GRIN2A: variants seen among roughly 807,000 people sequenced by gnomAD.
GRIN2A encodes the protein glutamate ionotropic receptor NMDA type subunit 2A.
GRIN2A carries 22 observed loss-of-function variants against 113.4 expected under a neutral mutation model. The observed-to-expected ratio is 0.19, with a 90% CI of 0.14 to 0.28. The LOEUF (loss-of-function observed/expected upper bound fraction) is 0.28, where lower values mean the gene tolerates loss of function less well. GRIN2A is among the 10% of genes least tolerant of loss of function. The probability of loss-of-function intolerance (pLI) is 1.00; values close to 1 mark genes in which losing one functional copy is unlikely to be tolerated. For missense variants in GRIN2A, 1,502 were observed against 1,887.0 expected, an observed-to-expected ratio of 0.80 and a Z score of 3.78; for synonymous variants, 827 against 738.4, an observed-to-expected ratio of 1.12 and a Z score of -1.94.
chr16:9,867,481 G>A (rs754500498), intron 4 of GRIN2A, among the ~76,000 whole-genome samples: 2 of 152,074 alleles, frequency 1.3e-5, no homozygotes, highest in Non-Finnish European at 2.9e-5. Context: ...CCCTCTTTCA[G>A]TAATAAAGGA....
At chr16:9,881,458 G>C (rs144566119) in intron 4 of GRIN2A, among the ~76,000 whole-genome samples, 2 of 152,312 alleles carry the variant, frequency 1.3e-5, no homozygotes, top group Admixed American at 1.3e-4. Flanking sequence ...AGAATCACTA[G>C]GGAGGCTTAT....
At chr16:9,834,343 G>T in intron 7 of GRIN2A, 113 bp from the exon 8 acceptor site, 1 of 932,724 alleles carries the variant, frequency 1.1e-6, no homozygotes, top group Non-Finnish European at 1.8e-6. Flanking sequence ...TCTCTAATTT[G>T]AATCTGATCC....
chr16:9,822,839 T>C (rs1456346806), intron 9 of GRIN2A, among the ~76,000 whole-genome samples: 1 of 152,208 alleles, frequency 6.6e-6, no homozygotes, highest in Non-Finnish European at 1.5e-5. Context: ...ATCCACTTTA[T>C]GATGAAATTT....
intron 2 of GRIN2A, among the ~76,000 whole-genome samples, chr16:10,006,931 A>C (rs1272025211): frequency 1.3e-5 from 2 of 152,168 alleles, no homozygotes; most frequent in Non-Finnish European, 2.9e-5. Flanking sequence ...AGTGACCTTC[A>C]GTTTCATCCA....
intron 2 of GRIN2A, among the ~76,000 whole-genome samples, chr16:10,137,020 C>T (rs1042113206): frequency 1.3e-5 from 2 of 152,196 alleles, no homozygotes; most frequent in African/African-American, 4.8e-5. Context: ...AATATCTACT[C>T]TACATCACAG....
chr16:10,045,468 A>G (rs547763146), intron 2 of GRIN2A, among the ~76,000 whole-genome samples: 5 of 151,844 alleles, frequency 3.3e-5, no homozygotes, highest in African/African-American at 1.2e-4. Context: ...CCGAATCTGC[A>G]CTGCTCTGGC....
At chr16:10,065,380 C>G (rs557229131) in intron 2 of GRIN2A, among the ~76,000 whole-genome samples, 1 of 152,212 alleles carries the variant, frequency 6.6e-6, no homozygotes, top group Admixed American at 6.5e-5. Context: ...GTTACAACCA[C>G]GATTTTCTTT....
intron 4 of GRIN2A, among the ~76,000 whole-genome samples, chr16:9,871,044 G>A (rs895842820): frequency 2.0e-5 from 3 of 151,998 alleles, no homozygotes; most frequent in East Asian, 1.9e-4. Context: ...CTGCTCATTC[G>A]TGACTTTCCA....
At chr16:10,058,907 A>T (rs1383191097) in intron 2 of GRIN2A, among the ~76,000 whole-genome samples, 1 of 152,236 alleles carries the variant, frequency 6.6e-6, no homozygotes, top group Non-Finnish European at 1.5e-5. Context: ...TAAACAAGAT[A>T]GTTATAGGCT....
At chr16:10,056,928 C>A (rs1242807946) in intron 2 of GRIN2A, among the ~76,000 whole-genome samples, 1 of 152,088 alleles carries the variant, frequency 6.6e-6, no homozygotes, top group Admixed American at 6.6e-5. Context: ...CCCTAGGAAA[C>A]TAATACACCA....
chr16:10,097,025 T>C (rs1256351248), intron 2 of GRIN2A, among the ~76,000 whole-genome samples: 2 of 152,206 alleles, frequency 1.3e-5, no homozygotes, highest in East Asian at 3.8e-4. Context: ...TCAAGTCACA[T>C]GGTGCAAAAG....
chr16:9,804,216 C>T lies in GRIN2A; in HGVS notation c.2169-5752G>A, dbSNP rs2041921423. ...TCAAGTGCTTAATTTCCATAGTAGACAGTGTCAGAGTATTGGTCTGATGTG... is the reference window on the plus strand; with the variant it reads ...TCAAGTGCTTAATTTCCATAGTAGATAGTGTCAGAGTATTGGTCTGATGTG... On this transcript the variant is annotated intron_variant, in intron 10 of 12. Transcript: ENST00000330684. Among the ~76,000 whole-genome samples, 4 of 152,312 alleles carry T rather than the reference C, an allele frequency of 2.6e-5. No homozygotes were observed. The South Asian group carries it at 8.3e-4, about 32-fold the overall frequency.
chr16:9,842,339 T>C (rs2042695790), intron 5 of GRIN2A, among the ~76,000 whole-genome samples: 2 of 152,276 alleles, frequency 1.3e-5, no homozygotes, highest in East Asian at 3.9e-4. Flanking sequence ...TCACATAAGA[T>C]CAAAGCCTTT....
At chr16:9,922,991 T>G (rs1372069119) in intron 3 of GRIN2A, among the ~76,000 whole-genome samples, 1 of 152,184 alleles carries the variant, frequency 6.6e-6, no homozygotes, top group African/African-American at 2.4e-5. Flanking sequence ...AAGCAAATAT[T>G]AGGTCAACTT....
At chr16:9,946,912 A>G (rs770827190) in intron 2 of GRIN2A, among the ~76,000 whole-genome samples, 1 of 152,206 alleles carries the variant, frequency 6.6e-6, no homozygotes, top group Non-Finnish European at 1.5e-5. Flanking sequence ...TTCAAGCCAC[A>G]CCTGAAGACA....
intron 3 of GRIN2A, among the ~76,000 whole-genome samples, chr16:9,927,386 AAAG>A (rs1403527754): frequency 3.0e-4 from 45 of 152,334 alleles, no homozygotes; most frequent in African/African-American, 9.6e-4. Flanking sequence ...ATTTGGCCAC[AAAG>A]AAGTCTTCCC....
intron 5 of GRIN2A, among the ~76,000 whole-genome samples, chr16:9,849,311 T>G (rs1300751499): frequency 6.7e-6 from 1 of 150,026 alleles, no homozygotes; most frequent in African/African-American, 2.4e-5. Flanking sequence ...TATAAAGATA[T>G]TTTTTGAATA....
intron 2 of GRIN2A, among the ~76,000 whole-genome samples, chr16:10,041,580 G>A (rs189642195): frequency 8.5e-5 from 13 of 152,216 alleles, no homozygotes; most frequent in Admixed American, 7.2e-4. Flanking sequence ...ATGGTCTCAC[G>A]GGGTCATTTA....
chr16:9,943,954 T>C (rs1275954646), intron 2 of GRIN2A, among the ~76,000 whole-genome samples: 1 of 152,160 alleles, frequency 6.6e-6, no homozygotes, highest in Non-Finnish European at 1.5e-5. Context: ...GTATTCAAGT[T>C]AGTATCTTTA....
Sources: gnomAD v4.1 joint callset for allele counts (sites outside exome capture counted in the v4.1 genomes callset) on GRCh38, gnomAD v4.1.1 for gene constraint, MANE v1.5 for transcripts, NCBI Gene and HGNC (gene_info 2026-07-23, HGNC 2026-07-21) for gene names.